GALNT9: variants seen among roughly 807,000 people sequenced by gnomAD.
The protein encoded by GALNT9 is polypeptide N-acetylgalactosaminyltransferase 9, also known as GalNAc transferase 9.
A neutral mutation model predicts 63.1 loss-of-function variants in GALNT9; 47 were observed. That is an observed-to-expected ratio of 0.75 (90% CI 0.59 to 0.95). GALNT9 has a LOEUF of 0.95. Among genes scored for constraint, GALNT9 ranks in the 40% least tolerant of loss-of-function variants. The probability of loss-of-function intolerance (pLI) is 0.00; values close to 1 mark genes in which losing one functional copy is unlikely to be tolerated. For missense variants in GALNT9, 829 were observed against 874.8 expected (o/e 0.95, Z 0.66); for synonymous variants, 396 against 365.7 (o/e 1.08, Z -0.94).
rs1416152806 is a variant in GALNT9, at chr12:132,296,032, C to A, written c.239-9602G>T. On this transcript the variant is annotated intron_variant, in intron 1 of 10. Coordinates refer to ENST00000328957, the MANE Select transcript of GALNT9 (RefSeq NM_001122636.2). The surrounding 1 kb of genome is among the most constrained non-coding windows in gnomAD (Gnocchi z 4.2). ...GGAGAGCCTCCGGAACAGGGAGAGC[C>A]TCCAGAACAGGGAGAGCCTCTGAAC... is the stretch of plus-strand genomic sequence containing the variant. Among the ~76,000 whole-genome samples, 1 of 145,488 alleles carries A rather than the reference C, an allele frequency of 6.9e-6. No homozygotes were observed. Among genetic ancestry groups the A allele is most frequent in the Non-Finnish European group, 1.5e-5 (1 of 67,350 alleles).
intron 6 of GALNT9, among the ~76,000 whole-genome samples, chr12:132,237,157 C>T (rs1555236397): frequency 1.3e-5 from 2 of 152,110 alleles, no homozygotes; most frequent in African/African-American, 4.8e-5. Flanking sequence ...GGACCCAGGG[C>T]TGGTTGGCTG....
rs968732507 is a variant in GALNT9 at position 132,316,257 on chromosome 12, G to T, written c.238+12709C>A. Reference sequence around the variant, plus strand: ...CTGCCCCGGGCCCCGACCTGCAAAGGGGGGTGCCATGATTCTCTACCATAC... The same window carrying T: ...CTGCCCCGGGCCCCGACCTGCAAAGTGGGGTGCCATGATTCTCTACCATAC... On this transcript the variant is annotated intron_variant, in intron 1 of 10. Transcript: ENST00000328957. This position sits in a 1 kb window ranked among gnomAD's most constrained non-coding sequence, Gnocchi z 4.3. 1.3e-5 allele frequency among the ~76,000 whole-genome samples: 2 copies of T among 152,064 alleles called. No individual in the cohort carries two copies. The highest frequency in any genetic ancestry group is 2.9e-5 in the Non-Finnish European group (2 of 68,000).
chr12:132,318,359 T>C (rs1170938580), intron 1 of GALNT9, among the ~76,000 whole-genome samples: 1 of 152,090 alleles, frequency 6.6e-6, no homozygotes, highest in Admixed American at 6.5e-5. Context: ...ACAAGGTGGG[T>C]GCTCGGGGAA....
At chr12:132,306,049 C>T (rs1881599473) in intron 1 of GALNT9, among the ~76,000 whole-genome samples, 1 of 152,308 alleles carries the variant, frequency 6.6e-6, no homozygotes, top group African/African-American at 2.4e-5. Context: ...CAGTGGCTCC[C>T]GCCCTCAGGA....
chr12:132,207,917 C>A (rs527859782), intron 6 of GALNT9, among the ~76,000 whole-genome samples: 2 of 152,200 alleles, frequency 1.3e-5, no homozygotes, highest in East Asian at 3.9e-4. Flanking sequence ...CCCCACCCCC[C>A]ACCACGACTC....
chr12:132,287,837 G>A lies in GALNT9; in HGVS notation c.239-1407C>T, dbSNP rs564857895. Among the ~76,000 whole-genome samples the A allele has an allele frequency of 2.0e-3, 305 of 152,142 alleles. 1 individual carries two copies. The highest frequency in any genetic ancestry group is 3.4e-3 in the Middle Eastern group (1 of 294). ...GGAGATGCTGTTCCCAGGGGGACGG[G>A]AGTGAGAGGGGTGTCTCCCCACAAA... On this transcript the variant is annotated intron_variant, in intron 1 of 10. Transcript: ENST00000328957.
chr12:132,199,374 G>T, intron 8 of GALNT9, 105 bp from the exon 9 acceptor site: 1 of 771,464 alleles, frequency 1.3e-6, no homozygotes, highest in South Asian at 1.6e-5. Context: ...AGGTGCCCGC[G>T]GGAGGAGGAG....
intron 6 of GALNT9, among the ~76,000 whole-genome samples, chr12:132,241,581 CCGGGGCCCTCCCT>C (rs1878359028): frequency 9.5e-6 from 1 of 105,188 alleles, no homozygotes; most frequent in African/African-American, 4.1e-5. Flanking sequence ...CACCCCCTTC[CCGGGGCCCTCCCT>C]ATACCCATTA....
intron 2 of GALNT9, 53 bp from the exon 3 acceptor site, chr12:132,262,678 G>C: frequency 6.9e-7 from 1 of 1,451,082 alleles, no homozygotes; most frequent in Non-Finnish European, 9.2e-7. Flanking sequence ...AGGGACCCCG[G>C]AAGCCATAGC....
chr12:132,249,669 T>C (rs1271826004), intron 5 of GALNT9, among the ~76,000 whole-genome samples: 38 of 152,262 alleles, frequency 2.5e-4, no homozygotes, highest in Admixed American at 1.9e-3. Flanking sequence ...AAGAGCCAGA[T>C]TCTCTGCCAC....
intron 4 of GALNT9, among the ~76,000 whole-genome samples, chr12:132,259,960 A>ACC (rs1879303209): frequency 6.6e-6 from 1 of 150,558 alleles, no homozygotes; most frequent in African/African-American, 2.4e-5. Context: ...TGCGGGGAAC[A>ACC]CCCTGTGCAT....
rs529756864 is a variant in GALNT9, at chr12:132,321,086, C to T, written c.238+7880G>A. ...GTGCCTGGCAGTGGGTGGAGCCAAACGCTGCTCAACATCCACAACCCACCC... is the reference window on the plus strand; with the variant it reads ...GTGCCTGGCAGTGGGTGGAGCCAAATGCTGCTCAACATCCACAACCCACCC... On this transcript the variant is annotated intron_variant, in intron 1 of 10. Coordinates refer to ENST00000328957, the MANE Select transcript of GALNT9 (RefSeq NM_001122636.2). Among the ~76,000 whole-genome samples, 10 of 152,292 alleles carry T rather than the reference C, an allele frequency of 6.6e-5. No homozygotes were observed. In the South Asian group the frequency reaches 1.2e-3, roughly 19 times the overall value.
chr12:132,203,163 T>G (rs1876312787), intron 7 of GALNT9, among the ~76,000 whole-genome samples: 1 of 152,134 alleles, frequency 6.6e-6, no homozygotes, highest in African/African-American at 2.4e-5. Context: ...TGCAGGGCAC[T>G]AAGTGGGGCC....
intron 1 of GALNT9, among the ~76,000 whole-genome samples, chr12:132,298,612 C>A (rs1030761710): frequency 6.7e-6 from 1 of 148,912 alleles, no homozygotes; most frequent in East Asian, 2.1e-4. Context: ...CCACACCTAA[C>A]CCATCCCTGA....
At chr12:132,304,871 A>G (rs1329432642) in intron 1 of GALNT9, among the ~76,000 whole-genome samples, 10 of 25,686 alleles carry the variant, frequency 3.9e-4, no homozygotes, top group Admixed American at 1.4e-3. Context: ...AGAATCGCCC[A>G]GACACACCCT....
chr12:132,318,998 G>C (rs1566023869), intron 1 of GALNT9, among the ~76,000 whole-genome samples: 1 of 152,220 alleles, frequency 6.6e-6, no homozygotes, highest in African/African-American at 2.4e-5. Flanking sequence ...GCAGCTGCAC[G>C]GGTCCTTTGG....
intron 1 of GALNT9, among the ~76,000 whole-genome samples, chr12:132,293,907 G>A (rs1246512677): frequency 2.0e-5 from 3 of 152,152 alleles, no homozygotes; most frequent in African/African-American, 7.2e-5. Context: ...AGAAGGAGAA[G>A]CCAGGGGACC....
chr12:132,197,554 A>G (rs1399822818), intron 10 of GALNT9, among the ~76,000 whole-genome samples: 2 of 148,760 alleles, frequency 1.3e-5, no homozygotes, highest in Non-Finnish European at 2.9e-5. Flanking sequence ...ATGCAGGGCT[A>G]TGATCAGACT....
intron 5 of GALNT9, among the ~76,000 whole-genome samples, chr12:132,254,663 G>C (rs1045416105): frequency 3.3e-5 from 5 of 152,238 alleles, no homozygotes; most frequent in African/African-American, 9.6e-5. Context: ...GGTCAGGCAG[G>C]TAAAGTACAA....
Sources: allele counts gnomAD v4.1 joint callset (sites outside exome capture counted in the v4.1 genomes callset), GRCh38; gene constraint gnomAD v4.1.1; non-coding constraint Gnocchi (gnomAD v3.1); transcripts MANE v1.5; gene names NCBI Gene and HGNC (gene_info 2026-07-23, HGNC 2026-07-21).